The following DPP10 variants were observed in gnomAD, a reference collection of about 807,000 sequenced individuals.
DPP10 encodes the protein dipeptidyl peptidase like 10.
A neutral mutation model predicts 120.9 loss-of-function variants in DPP10; 33 were observed. That is an observed-to-expected ratio of 0.27 (90% CI 0.21 to 0.37). DPP10 has a LOEUF of 0.37. Ranked by LOEUF, DPP10 falls within the 10% of genes least tolerant of loss-of-function variation. The pLI is 1.00. For synonymous variants in DPP10, 337 were observed against 326.1 expected, an observed-to-expected ratio of 1.03 and a Z score of -0.36; for missense variants, 816 against 942.8, an observed-to-expected ratio of 0.87 and a Z score of 1.76.
intron 1 of DPP10, among the ~76,000 whole-genome samples, chr2:115,163,165 T>C (rs1193929996): frequency 6.6e-6 from 1 of 152,112 alleles, no homozygotes; most frequent in African/African-American, 2.4e-5. Context: ...GCGGCTAGGC[T>C]CCAGCAGCGA....
At chr2:115,722,452 C>T (rs992626126) in intron 7 of DPP10, among the ~76,000 whole-genome samples, 8 of 151,702 alleles carry the variant, frequency 5.3e-5, no homozygotes, top group Admixed American at 1.3e-4. Context: ...TTCTGAGAAA[C>T]GTGTCGTTAC....
intron 3 of DPP10, among the ~76,000 whole-genome samples, chr2:115,415,944 T>G (rs928697112): frequency 1.3e-5 from 2 of 149,296 alleles, no homozygotes; most frequent in Non-Finnish European, 3.0e-5. Flanking sequence ...ACATGAAATT[T>G]TTTATGTAGT....
At chr2:115,533,765 C>CT (rs1468421053) in intron 5 of DPP10, among the ~76,000 whole-genome samples, 1 of 152,054 alleles carries the variant, frequency 6.6e-6, no homozygotes, top group Admixed American at 6.6e-5. Flanking sequence ...ATGTGGGACT[C>CT]TGAGTTCATC....
chr2:115,566,279 C>T lies in DPP10; in HGVS notation c.441+40307C>T, dbSNP rs575054710. Among the ~76,000 whole-genome samples, 14 of 152,052 alleles carry T rather than the reference C, an allele frequency of 9.2e-5. No individual in the cohort carries two copies. The South Asian group carries it at 1.2e-3, about 14-fold the overall frequency. On this transcript the variant is annotated intron_variant, in intron 5 of 25. Transcript: ENST00000410059. ...TCTGTATATAAATATATCTTATATACGTTTTTTCCTAATGTTTGGCATCCA... is the reference window on the plus strand; with the variant it reads ...TCTGTATATAAATATATCTTATATATGTTTTTTCCTAATGTTTGGCATCCA...
At chr2:115,785,125 T>G (rs1683183020) in intron 17 of DPP10, among the ~76,000 whole-genome samples, 1 of 152,202 alleles carries the variant, frequency 6.6e-6, no homozygotes, top group Non-Finnish European at 1.5e-5. Context: ...TCCAACTGGA[T>G]TCAACCAAAG....
chr2:114,708,513 G>A (rs189883440), intron 1 of DPP10, among the ~76,000 whole-genome samples: 89 of 152,192 alleles, frequency 5.8e-4, no homozygotes, highest in African/African-American at 1.9e-3. Flanking sequence ...TCCCACCACC[G>A]GCACTTACTA....
intron 1 of DPP10, among the ~76,000 whole-genome samples, chr2:114,839,431 A>G (rs1051487148): frequency 3.3e-5 from 5 of 152,188 alleles, no homozygotes; most frequent in Admixed American, 1.3e-4. Flanking sequence ...TCTATTAGTG[A>G]TCATCAACAA....
At chr2:114,744,815 G>T (rs889222736) in intron 1 of DPP10, among the ~76,000 whole-genome samples, 2 of 152,064 alleles carry the variant, frequency 1.3e-5, no homozygotes, top group Admixed American at 1.3e-4. Context: ...AAGCTGGAGT[G>T]TAGTGGCACA....
chr2:115,559,135 T>TA (rs1292544283), intron 5 of DPP10, among the ~76,000 whole-genome samples: 1 of 152,238 alleles, frequency 6.6e-6, no homozygotes, highest in Non-Finnish European at 1.5e-5. Flanking sequence ...CCAGATTGAC[T>TA]ATATATACTA....
chr2:114,898,237 C>A (rs777220243), intron 1 of DPP10, among the ~76,000 whole-genome samples: 7 of 151,900 alleles, frequency 4.6e-5, no homozygotes, highest in African/African-American at 1.7e-4. Flanking sequence ...TCTCAGCAAA[C>A]TATCGCAAGG....
At chr2:114,806,725 G>A (rs1424676532) in intron 1 of DPP10, among the ~76,000 whole-genome samples, 1 of 152,166 alleles carries the variant, frequency 6.6e-6, no homozygotes, top group Non-Finnish European at 1.5e-5. Context: ...AAAACCATAT[G>A]CTAGTTGGTA....
Position 115,777,264 on chromosome 2 carries a change from A to T in DPP10, c.1278A>T (p.Ile426=). 6.2e-7 allele frequency: 1 copy of T among 1,613,202 alleles called. No homozygotes were observed. Among genetic ancestry groups the T allele is most frequent in the Non-Finnish European group, 8.5e-7 (1 of 1,179,372 alleles). ...RHLTSGNWEV[I]KILAYDETTQ... is the part of the protein sequence containing the mutation. ...TGACATCAGGAAACTGGGAAGTGATAAAGATCTTGGCATACGATGAAACTA... is the reference window on the plus strand; with the variant it reads ...TGACATCAGGAAACTGGGAAGTGATTAAGATCTTGGCATACGATGAAACTA... Residue 426 remains isoleucine, a synonymous_variant, in exon 14 of 26, where the codon ATA becomes ATT. Coordinates refer to ENST00000410059, the MANE Select transcript of DPP10 (RefSeq NM_020868.6).
At chr2:114,521,754 T>C (rs934606199) in intron 1 of DPP10, among the ~76,000 whole-genome samples, 1 of 150,954 alleles carries the variant, frequency 6.6e-6, no homozygotes, top group Non-Finnish European at 1.5e-5. Context: ...CAGAATTGAA[T>C]GCCAGAACAC....
At chr2:115,004,994 G>A (rs1329528677) in intron 1 of DPP10, among the ~76,000 whole-genome samples, 1 of 151,940 alleles carries the variant, frequency 6.6e-6, no homozygotes, top group East Asian at 1.9e-4. Context: ...GAGAGCAGTG[G>A]TTCTCCCAGT....
At chr2:115,072,392 A>T (rs73946505) in intron 1 of DPP10, among the ~76,000 whole-genome samples, 152 of 152,306 alleles carry the variant, frequency 1.0e-3, no homozygotes, top group African/African-American at 3.6e-3. Flanking sequence ...TGTTGCCTTG[A>T]GTGATTTTGC....
intron 1 of DPP10, among the ~76,000 whole-genome samples, chr2:114,490,979 T>A (rs1433490688): frequency 1.3e-5 from 2 of 152,316 alleles, no homozygotes; most frequent in South Asian, 2.1e-4. Flanking sequence ...TCATGTCAGA[T>A]CCATAATTAG....
At chr2:115,536,133 A>G (rs973588659) in intron 5 of DPP10, among the ~76,000 whole-genome samples, 1 of 152,086 alleles carries the variant, frequency 6.6e-6, no homozygotes, top group Non-Finnish European at 1.5e-5. Flanking sequence ...AAAAGAAGAT[A>G]GAAATAATGC....
chr2:114,681,669 G>A (rs1699035542), intron 1 of DPP10, among the ~76,000 whole-genome samples: 1 of 151,936 alleles, frequency 6.6e-6, no homozygotes. Flanking sequence ...AGAAGAAAAT[G>A]CTTTGAAAGA....
chr2:114,962,577 A>G (rs1369499877), intron 1 of DPP10, among the ~76,000 whole-genome samples: 1 of 152,196 alleles, frequency 6.6e-6, no homozygotes, highest in Non-Finnish European at 1.5e-5. Flanking sequence ...TAGGCAGCCT[A>G]CCTGCCACAC....
Sources: gnomAD v4.1 joint callset for allele counts (sites outside exome capture counted in the v4.1 genomes callset) on GRCh38, gnomAD v4.1.1 for gene constraint, MANE v1.5 for transcripts, NCBI Gene and HGNC (gene_info 2026-07-23, HGNC 2026-07-21) for gene names.